Variants in OR10W1 observed in about 807,000 individuals in gnomAD.
OR10W1 encodes the protein olfactory receptor 10W1.
For missense variants in OR10W1, 406 were observed against 365.8 expected, an observed-to-expected ratio of 1.11 and a Z score of -0.90; for synonymous variants, 152 against 151.6, an observed-to-expected ratio of 1.00 and a Z score of -0.02.
At position 58,267,266 on chromosome 11, in the gene OR10W1, A is replaced by G. The variant is rs200009434; in HGVS notation, c.593T>C (p.Ile198Thr). 4 of 1,614,196 alleles carry G rather than the reference A, an allele frequency of 2.5e-6. No individual in the cohort carries two copies. Among genetic ancestry groups the G allele is most frequent in the East Asian group, 2.2e-5 (1 of 44,862 alleles). Residue 198 changes from isoleucine (I) to threonine (T), a missense_variant, in exon 1 of 1, where the codon ATT (isoleucine) becomes ACT (threonine). Transcript: ENST00000395079. ...QSVLVAAILA[I>T]AVPFFLITTS... is the part of the protein sequence containing the mutation. ...GGTGATGAGGAAGAAAGGCACAGCA[A>G]TGGCTAGTATGGCTGCCACCAGCAC...
chr11:58,267,725 C>A lies in OR10W1; in HGVS notation c.134G>T (p.Cys45Phe), dbSNP rs778981810. The change falls in exon 1 of 1, where the codon TGT (cysteine) becomes TTT (phenylalanine). Residue 45 changes from cysteine to phenylalanine, a missense_variant. Coordinates refer to ENST00000395079, the MANE Select transcript of OR10W1 (RefSeq NM_207374.3). ...LIVVSIHTET[C>F]LCTSMYYFLG... ...GAAATAGTACATGGATGTGCATAGA[C>A]AGGTTTCTGTGTGAATGGACACCAC... 1 of 1,614,126 alleles carries A rather than the reference C, an allele frequency of 6.2e-7. No individual in the cohort carries two copies. The highest frequency in any genetic ancestry group is 1.1e-5 in the South Asian group (1 of 91,078).
Position 58,267,163 on chromosome 11 carries a change from G to T in OR10W1, c.696C>A (p.Cys232Ter), listed in dbSNP as rs61998229. ...GCAGCACCACAGTGAGGTGGGAAGAGCAGGTGGAGAAGGCCCGGTGGCGGC... is the reference window on the plus strand; with the variant it reads ...GCAGCACCACAGTGAGGTGGGAAGATCAGGTGGAGAAGGCCCGGTGGCGGC... ...AAGRHRAFST[C>*]SSHLTVVLLQ... The change falls in exon 1 of 1, where the codon TGC (cysteine) becomes TGA (stop). Residue 232 changes from cysteine (C) to a stop codon, truncating the protein, a stop_gained. Coordinates refer to ENST00000395079, the MANE Select transcript of OR10W1 (RefSeq NM_207374.3). LOFTEE classifies it low-confidence loss of function (END_TRUNC). The T allele has an allele frequency of 6.2e-7, 1 of 1,614,194 alleles. No homozygotes were observed. The highest frequency in any genetic ancestry group is 8.5e-7 in the Non-Finnish European group (1 of 1,180,012).
chr11:58,267,222 C>T lies in OR10W1; in HGVS notation c.637G>A (p.Val213Met), dbSNP rs757263541. 6.2e-7 allele frequency: 1 copy of T among 1,614,160 alleles called. No individual in the cohort carries two copies. The highest frequency in any genetic ancestry group is 1.1e-5 in the South Asian group (1 of 91,080). Residue 213 changes from valine to methionine, a missense_variant, in exon 1 of 1, where the codon GTG (valine) becomes ATG (methionine). By Grantham distance (21) the Val-to-Met change is conservative (BLOSUM62 1). Coordinates refer to ENST00000395079, the MANE Select transcript of OR10W1 (RefSeq NM_207374.3). The stretch of plus-strand genomic sequence containing the variant: ...GAGTGGATCTTGAGCAGAGCAGCCA[C>T]TATGAAGGTGTAGGAGGTGGTGATG... Reference protein sequence around the residue: ...FLITTSYTFIVAALLKIHSAA... With the variant: ...FLITTSYTFIMAALLKIHSAA...
Position 58,267,162 on chromosome 11 carries a change from A to G in OR10W1, c.697T>C (p.Ser233Pro). 1.2e-6 allele frequency: 2 copies of G among 1,614,184 alleles called. No individual in the cohort carries two copies. Among genetic ancestry groups the G allele is most frequent in the Non-Finnish European group, 1.7e-6 (2 of 1,180,020 alleles). Residue 233 changes from serine (S) to proline (P), a missense_variant, in exon 1 of 1, where the codon TCT becomes CCT. By Grantham distance (74) the Ser-to-Pro change is moderately conservative. Coordinates refer to ENST00000395079, the MANE Select transcript of OR10W1 (RefSeq NM_207374.3). ...AGRHRAFSTC[S>P]SHLTVVLLQY... ...AGCAGCACCACAGTGAGGTGGGAAGAGCAGGTGGAGAAGGCCCGGTGGCGG... is the reference window on the plus strand; with the variant it reads ...AGCAGCACCACAGTGAGGTGGGAAGGGCAGGTGGAGAAGGCCCGGTGGCGG...
Position 58,266,793 on chromosome 11 carries a change from A to G in OR10W1, c.*148T>C, listed in dbSNP as rs921487630. 8.6e-6 allele frequency: 5 copies of G among 578,036 alleles called. No homozygotes were observed. Among genetic ancestry groups the G allele is most frequent in the African/African-American group, 1.8e-5 (1 of 54,158 alleles). The allele number at this position is 578,036 out of a possible 1,614,324, so 35.8% of individuals were successfully genotyped here. On this transcript the variant is annotated 3_prime_UTR_variant, in exon 1 of 1. Coordinates refer to ENST00000395079, the MANE Select transcript of OR10W1 (RefSeq NM_207374.3). ...CAGAGTCAAATTGTAGAAATATTTA[A>G]AAATCTTTGGCACACATAAACAGTA...
Position 58,267,429 on chromosome 11 carries a change from G to C in OR10W1, c.430C>G (p.Leu144Val), listed in dbSNP as rs759386309. 1 of 1,613,704 alleles carries C rather than the reference G, an allele frequency of 6.2e-7. No homozygotes were observed. Among genetic ancestry groups the C allele is most frequent in the Non-Finnish European group, 8.5e-7 (1 of 1,179,892 alleles). The change falls in exon 1 of 1, where the codon CTG (leucine) becomes GTG (valine). Residue 144 changes from leucine (L) to valine (V), a missense_variant. Transcript: ENST00000395079. ...GCCACCAGTTGTAAGGACAGGAACA[G>C]ACCACTGATGACTGATGCCACAACC... ...HLVVASVISGLFLSLQLVAFI... is the reference protein window; with the variant it reads ...HLVVASVISGVFLSLQLVAFI...
rs763010005 is a variant in OR10W1, at chr11:58,267,498, A to T, written c.361T>A (p.Leu121Met). ...YDRYVAICHPLQYPLLMTLTL... is the reference protein window; with the variant it reads ...YDRYVAICHPMQYPLLMTLTL... ...AATGTCATGAGGAGAGGGTACTGCA[A>T]CGGGTGGCAAATGGCCACATAGCGG... Residue 121 changes from leucine (L) to methionine (M), a missense_variant, in exon 1 of 1, where the codon TTG becomes ATG. Leu to Met is a conservative substitution (Grantham distance 15). Transcript: ENST00000395079. 4 of 1,614,172 alleles carry T rather than the reference A, an allele frequency of 2.5e-6. No individual in the cohort carries two copies. The Admixed American group carries it at 6.7e-5, about 27-fold the overall frequency.
chr11:58,267,842 A>G lies in OR10W1; in HGVS notation c.17T>C (p.Leu6Pro), dbSNP rs1285546741. 6.2e-7 allele frequency: 1 copy of G among 1,613,210 alleles called. No individual in the cohort carries two copies. Among genetic ancestry groups the G allele is most frequent in the African/African-American group, 1.3e-5 (1 of 74,916 alleles). MEFVFLAYPSCPELHI... is the reference protein window; with the variant it reads MEFVFPAYPSCPELHI... ...CAGTTCTGGGCAGGAGGGATAGGCC[A>G]GGAACACAAATTCCATCAACACTGA... The change falls in exon 1 of 1, where the codon CTG (leucine) becomes CCG (proline). Residue 6 changes from leucine (L) to proline (P), a missense_variant. By Grantham distance (98) the Leu-to-Pro change is moderately conservative. Coordinates refer to ENST00000395079, the MANE Select transcript of OR10W1 (RefSeq NM_207374.3).
At position 58,267,905 on chromosome 11, in the gene OR10W1, T is replaced by A. The variant is rs1853565289; in HGVS notation, c.-47A>T. The A allele has an allele frequency of 7.4e-7, 1 of 1,345,754 alleles. No individual in the cohort carries two copies. The highest frequency in any genetic ancestry group is 1.1e-6 in the Non-Finnish European group (1 of 949,588). The allele number at this position is 1,345,754 out of a possible 1,614,324, so 83.4% of individuals were successfully genotyped here. A position where few individuals can be genotyped will look rare whatever the true frequency, so the allele number is the denominator to read the frequency against. ...GGTAATTGAGCTAACAGTATTTCTC[T>A]GTGGAGAGCTACAAGTACAGAAGGA... On this transcript the variant is annotated 5_prime_UTR_variant, in exon 1 of 1. Transcript: ENST00000395079.
chr11:58,267,764 C>T lies in OR10W1; in HGVS notation c.95G>A (p.Gly32Glu). 1 of 1,614,038 alleles carries T rather than the reference C, an allele frequency of 6.2e-7. No individual in the cohort carries two copies. Among genetic ancestry groups the T allele is most frequent in the Non-Finnish European group, 8.5e-7 (1 of 1,179,938 alleles). Residue 32 changes from glycine (G) to glutamate (E), a missense_variant, in exon 1 of 1, where the codon GGG becomes GAG. By Grantham distance (98) the Gly-to-Glu change is moderately conservative (BLOSUM62 -2). Transcript: ENST00000395079. ...VSLVYGLIIT[G>E]NILIVVSIHT... Reference sequence around the variant, plus strand: ...AATGGACACCACAATGAGAATGTTCCCAGTGATGATCAAACCATAAACCAG... The same window carrying T: ...AATGGACACCACAATGAGAATGTTCTCAGTGATGATCAAACCATAAACCAG...
Position 58,267,212 on chromosome 11 carries a change from A to C in OR10W1, c.647T>G (p.Leu216Arg), listed in dbSNP as rs1408470653. The C allele has an allele frequency of 6.2e-7, 1 of 1,614,192 alleles. No individual in the cohort carries two copies. Among genetic ancestry groups the C allele is most frequent in the East Asian group, 2.2e-5 (1 of 44,884 alleles). ...GCCAGCAGCCGAGTGGATCTTGAGC[A>C]GAGCAGCCACTATGAAGGTGTAGGA... ...TTSYTFIVAA[L>R]LKIHSAAGRH... The change falls in exon 1 of 1, where the codon CTG becomes CGG. Residue 216 changes from leucine to arginine, a missense_variant. Coordinates refer to ENST00000395079, the MANE Select transcript of OR10W1 (RefSeq NM_207374.3).
Position 58,267,982 on chromosome 11 carries a change from TA to T in OR10W1, c.-125del, listed in dbSNP as rs1260455734. 1 of 697,588 alleles carries T rather than the reference TA, an allele frequency of 1.4e-6. No individual in the cohort carries two copies. The highest frequency in any genetic ancestry group is 1.8e-5 in the African/African-American group (1 of 55,546). The allele number at this position is 697,588 out of a possible 1,614,324, so 43.2% of individuals were successfully genotyped here. On this transcript the variant is annotated 5_prime_UTR_variant, in exon 1 of 1. Transcript: ENST00000395079. Reference sequence around the variant, plus strand: ...TACACTCTGAGCCATGAATCTAATGTAATCAGCACTGGAGTTAGAAACTGGA... The same window carrying T: ...TACACTCTGAGCCATGAATCTAATGTATCAGCACTGGAGTTAGAAACTGGA...
At position 58,267,512 on chromosome 11, in the gene OR10W1, G is replaced by A; in HGVS notation, c.347C>T (p.Ala116Val). ...AGGGTACTGCAACGGGTGGCAAATG[G>A]CCACATAGCGGTCATAGGCCATGGC... ...LAAMAYDRYV[A>V]ICHPLQYPLL... The change falls in exon 1 of 1, where the codon GCC becomes GTC. Residue 116 changes from alanine to valine, a missense_variant. Ala to Val is a moderately conservative substitution (Grantham distance 64, BLOSUM62 0). Coordinates refer to ENST00000395079, the MANE Select transcript of OR10W1 (RefSeq NM_207374.3). 3 of 1,614,124 alleles carry A rather than the reference G, an allele frequency of 1.9e-6. No homozygotes were observed. Among genetic ancestry groups the A allele is most frequent in the South Asian group, 1.1e-5 (1 of 91,070 alleles).
Position 58,266,929 on chromosome 11 carries a change from C to A in OR10W1, c.*12G>T. 3 of 1,521,346 alleles carry A rather than the reference C, an allele frequency of 2.0e-6. No homozygotes were observed. Among genetic ancestry groups the A allele is most frequent in the East Asian group, 2.3e-5 (1 of 43,908 alleles). The allele number at this position is 1,521,346 out of a possible 1,614,324, so 94.2% of individuals were successfully genotyped here. A position where few individuals can be genotyped will look rare whatever the true frequency, so the allele number is the denominator to read the frequency against. ...CCAAATACTTGCCTGATAGGCTGTC[C>A]CCTCGTCTTTCCTAGCTGTTCTGGG... On this transcript the variant is annotated 3_prime_UTR_variant, in exon 1 of 1. Coordinates refer to ENST00000395079, the MANE Select transcript of OR10W1 (RefSeq NM_207374.3).
At position 58,267,753 on chromosome 11, in the gene OR10W1, T is replaced by C. The variant is rs866533987; in HGVS notation, c.106A>G (p.Ile36Val). The C allele has an allele frequency of 6.2e-7, 1 of 1,612,154 alleles. No homozygotes were observed. Among genetic ancestry groups the C allele is most frequent in the Middle Eastern group, 1.7e-4 (1 of 6,052 alleles). Residue 36 changes from isoleucine to valine, a missense_variant, in exon 1 of 1, where the codon ATT becomes GTT. Ile to Val is a conservative substitution (Grantham distance 29). Coordinates refer to ENST00000395079, the MANE Select transcript of OR10W1 (RefSeq NM_207374.3). ...YGLIITGNIL[I>V]VVSIHTETCL... ...GTTTCTGTGTGAATGGACACCACAA[T>C]GAGAATGTTCCCAGTGATGATCAAA... is the stretch of plus-strand genomic sequence containing the variant.
chr11:58,268,096 G>A lies in OR10W1; in HGVS notation c.-238C>T, dbSNP rs1853567238. On this transcript the variant is annotated 5_prime_UTR_variant, in exon 1 of 1. Transcript: ENST00000395079. ...ACACCTCAATTTCTACCTGCCAAGAGTTGGGCCAAACTATGTAAGATACTA... is the reference window on the plus strand; with the variant it reads ...ACACCTCAATTTCTACCTGCCAAGAATTGGGCCAAACTATGTAAGATACTA... 2.0e-6 allele frequency: 1 copy of A among 510,502 alleles called. No individual in the cohort carries two copies. Among genetic ancestry groups the A allele is most frequent in the Non-Finnish European group, 3.6e-6 (1 of 276,870 alleles). 31.6% of individuals were successfully genotyped at this position (510,502 alleles called of 1,614,324 possible).
rs1853563495 is a variant in OR10W1 at position 58,267,790 on chromosome 11, G to C, written c.69C>G (p.Ser23Arg). ...CAGTGATGATCAAACCATAAACCAG[G>C]CTGACCCCAAGGAAGGACAGAATAT... is the stretch of plus-strand genomic sequence containing the variant. ...ELHILSFLGV[S>R]LVYGLIITGN... Residue 23 changes from serine (S) to arginine (R), a missense_variant, in exon 1 of 1, where the codon AGC becomes AGG. Physicochemically the swap from Ser to Arg is moderately radical, Grantham distance 110 (BLOSUM62 -1). Coordinates refer to ENST00000395079, the MANE Select transcript of OR10W1 (RefSeq NM_207374.3). 1 of 1,614,122 alleles carries C rather than the reference G, an allele frequency of 6.2e-7. No homozygotes were observed. Among genetic ancestry groups the C allele is most frequent in the Non-Finnish European group, 8.5e-7 (1 of 1,179,992 alleles).
chr11:58,268,045 TACCAAGTTTCTCCACA>T lies in OR10W1; in HGVS notation c.-203_-188del. On this transcript the variant is annotated 5_prime_UTR_variant, in exon 1 of 1. An upstream start codon of the reference 5' UTR is lost. Coordinates refer to ENST00000395079, the MANE Select transcript of OR10W1 (RefSeq NM_207374.3). ...TAGTTCTTTTTCTTTTCTCCACTTT[TACCAAGTTTCTCCACA>T]TTAATATCTACACCTCAATTTCTAC... 2 of 596,822 alleles carry T rather than the reference TACCAAGTTTCTCCACA, an allele frequency of 3.4e-6. No individual in the cohort carries two copies. The highest frequency in any genetic ancestry group is 6.1e-6 in the Non-Finnish European group (2 of 329,428). 37.0% of individuals were successfully genotyped at this position (596,822 alleles called of 1,614,324 possible). A position where few individuals can be genotyped will look rare whatever the true frequency, so the allele number is the denominator to read the frequency against.
rs140648233 is a variant in OR10W1 at position 58,266,985 on chromosome 11, C to T, written c.874G>A (p.Val292Ile). 7.1e-3 allele frequency: 11,253 copies of T among 1,591,956 alleles called. 58 individuals carry two copies. Among genetic ancestry groups the T allele is most frequent in the Non-Finnish European group, 8.9e-3 (10,424 of 1,166,696 alleles). Residue 292 changes from valine (V) to isoleucine (I), a missense_variant, in exon 1 of 1, where the codon GTA becomes ATA. By Grantham distance (29) the Val-to-Ile change is conservative. Transcript: ENST00000395079. ...CAGTTCCTGGTAAGAACTCTCCCTACGGCCCCTTTCATCTCACTGTTCCTC... is the reference window on the plus strand; with the variant it reads ...CAGTTCCTGGTAAGAACTCTCCCTATGGCCCCTTTCATCTCACTGTTCCTC... ...ALRNSEMKGAVGRVLTRNCLS... is the reference protein window; with the variant it reads ...ALRNSEMKGAIGRVLTRNCLS...
Sources: allele counts gnomAD v4.1 joint callset, GRCh38; gene constraint gnomAD v4.1.1; transcripts MANE v1.5; gene names NCBI Gene and HGNC (gene_info 2026-07-23, HGNC 2026-07-21).